Variants in DIS3L2 observed in about 807,000 individuals in gnomAD.
The protein encoded by DIS3L2 is DIS3 like 3'-5' exoribonuclease 2, also known as DIS3-like exonuclease 2.
DIS3L2 carries 34 observed loss-of-function variants against 97.5 expected under a neutral mutation model. That is an observed-to-expected ratio of 0.35 (90% CI 0.27 to 0.46). The LOEUF (loss-of-function observed/expected upper bound fraction) is 0.46, where lower values mean the gene tolerates loss of function less well. DIS3L2 is among the 20% of genes least tolerant of loss of function. The pLI is 1.00. For missense variants in DIS3L2, 1,038 were observed against 1,146.0 expected (o/e 0.91, Z 1.36); for synonymous variants, 435 against 445.2 (o/e 0.98, Z 0.29).
intron 3 of DIS3L2, among the ~76,000 whole-genome samples, chr2:232,018,645 TTG>T (rs1361058391): frequency 6.6e-6 from 1 of 152,194 alleles, no homozygotes; most frequent in African/African-American, 2.4e-5. Flanking sequence ...CTCATCTCTT[TTG>T]ACCTCTTTTT....
At chr2:232,302,223 A>T (rs752949125) in intron 14 of DIS3L2, among the ~76,000 whole-genome samples, 7 of 151,570 alleles carry the variant, frequency 4.6e-5, no homozygotes, top group Non-Finnish European at 1.0e-4. Context: ...AACATCATAC[A>T]CCGGGGCCTG....
At chr2:231,969,125 T>G (rs565304769) in intron 1 of DIS3L2, among the ~76,000 whole-genome samples, 75 of 152,306 alleles carry the variant, frequency 4.9e-4, no homozygotes, top group African/African-American at 1.5e-3. Context: ...CCCTCTTTCC[T>G]TTATAAATTA....
rs1253919475 is a variant in DIS3L2, at chr2:232,281,411, A to G, written c.1659+17971A>G. ...AAGACTCTGTCTCAAAAAGAAAAAA[A>G]GAAATATGAATGTTTTCTTGAATTC... On this transcript the variant is annotated intron_variant, in intron 13 of 20. Coordinates refer to ENST00000325385, the MANE Select transcript of DIS3L2 (RefSeq NM_152383.5). This position sits in a 1 kb window ranked among gnomAD's most constrained non-coding sequence, Gnocchi z 4.1. Among the ~76,000 whole-genome samples, 3 of 152,034 alleles carry G rather than the reference A, an allele frequency of 2.0e-5. No individual in the cohort carries two copies. The South Asian group carries it at 6.2e-4, about 31-fold the overall frequency.
At chr2:231,974,040 T>G (rs1693000918) in intron 1 of DIS3L2, among the ~76,000 whole-genome samples, 1 of 152,012 alleles carries the variant, frequency 6.6e-6, no homozygotes, top group South Asian at 2.1e-4. Flanking sequence ...CCTAATACAG[T>G]TAAAAAAATA....
At chr2:232,233,291 G>C (rs184694905) in intron 10 of DIS3L2, among the ~76,000 whole-genome samples, 1 of 152,182 alleles carries the variant, frequency 6.6e-6, no homozygotes, top group Non-Finnish European at 1.5e-5. Flanking sequence ...GGCAGATCCA[G>C]TGTCTAGTGA....
intron 14 of DIS3L2, among the ~76,000 whole-genome samples, chr2:232,314,222 CCTGTTGT>C (rs1254877470): frequency 6.6e-6 from 1 of 152,238 alleles, no homozygotes; most frequent in Non-Finnish European, 1.5e-5. Flanking sequence ...CATTCTGTCG[CCTGTTGT>C]CTGGTGCTGG....
intron 13 of DIS3L2, among the ~76,000 whole-genome samples, chr2:232,275,036 C>T (rs1370824753): frequency 6.6e-6 from 1 of 152,136 alleles, no homozygotes; most frequent in Non-Finnish European, 1.5e-5. Flanking sequence ...GTGTTCCCTG[C>T]TTCCCACTAA....
intron 1 of DIS3L2, among the ~76,000 whole-genome samples, chr2:232,012,831 C>G (rs925140976): frequency 6.6e-6 from 1 of 152,168 alleles, no homozygotes; most frequent in African/African-American, 2.4e-5. Flanking sequence ...CGTTCCTTGT[C>G]CTATGCCCTC....
intron 7 of DIS3L2, among the ~76,000 whole-genome samples, chr2:232,134,399 C>A (rs573145238): frequency 2.6e-4 from 39 of 152,228 alleles, no homozygotes; most frequent in Admixed American, 8.5e-4. Context: ...AACTCTATAC[C>A]TTGCGTTTAA....
chr2:232,323,813 G>A (rs1345561061), intron 14 of DIS3L2, among the ~76,000 whole-genome samples: 1 of 152,058 alleles, frequency 6.6e-6, no homozygotes, highest in Non-Finnish European at 1.5e-5. Context: ...GCTGTGGGTG[G>A]GGGTCCATCA....
chr2:232,320,255 T>G (rs1559210952), intron 14 of DIS3L2, among the ~76,000 whole-genome samples: 1 of 152,138 alleles, frequency 6.6e-6, no homozygotes, highest in African/African-American at 2.4e-5. Context: ...ATTTTAAAAG[T>G]CACAGAATGA....
intron 10 of DIS3L2, among the ~76,000 whole-genome samples, chr2:232,236,607 A>G (rs568095997): frequency 6.6e-6 from 1 of 152,222 alleles, no homozygotes; most frequent in East Asian, 1.9e-4. Flanking sequence ...ATCCCAGGAG[A>G]GAGACCCTCT....
At chr2:232,088,601 A>G (rs1425173082) in intron 6 of DIS3L2, among the ~76,000 whole-genome samples, 2 of 151,760 alleles carry the variant, frequency 1.3e-5, no homozygotes, top group African/African-American at 2.4e-5. Flanking sequence ...TCTGGTGGGC[A>G]TGGATCACCC....
At chr2:232,143,203 C>A (rs191427930) in intron 8 of DIS3L2, among the ~76,000 whole-genome samples, 1 of 152,040 alleles carries the variant, frequency 6.6e-6, no homozygotes, top group Non-Finnish European at 1.5e-5. Context: ...TTCCTCAGTA[C>A]GTTTTTAATA....
chr2:232,304,631 G>A (rs114304237), intron 14 of DIS3L2, among the ~76,000 whole-genome samples: 1,720 of 152,328 alleles, frequency 0.011, 30 homozygotes, highest in African/African-American at 0.038. Context: ...TCACTGCCAG[G>A]ACTGTGGAGC....
At chr2:232,260,360 A>T (rs1444299450) in intron 12 of DIS3L2, 2 of 152,276 alleles carry the variant, frequency 1.3e-5, no homozygotes, top group African/African-American at 4.8e-5. Context: ...TGCGAAGAGG[A>T]CAAGCCTGGC....
At chr2:232,310,250 G>A (rs866681843) in intron 14 of DIS3L2, among the ~76,000 whole-genome samples, 41 of 152,216 alleles carry the variant, frequency 2.7e-4, no homozygotes, top group African/African-American at 9.4e-4. Flanking sequence ...GAGAGGAGGG[G>A]CTTGGGGGAA....
chr2:232,315,458 G>C (rs996148342), intron 14 of DIS3L2, among the ~76,000 whole-genome samples: 12 of 152,196 alleles, frequency 7.9e-5, no homozygotes, highest in African/African-American at 2.9e-4. Context: ...CTGCCTGGCA[G>C]GTAACCAGAT....
At chr2:232,103,381 C>A (rs1280814142) in intron 6 of DIS3L2, among the ~76,000 whole-genome samples, 4 of 152,144 alleles carry the variant, frequency 2.6e-5, no homozygotes, top group African/African-American at 9.7e-5. Flanking sequence ...ACCAAGTTAA[C>A]CAAATGTCCT....
Sources: allele counts gnomAD v4.1 joint callset (sites outside exome capture counted in the v4.1 genomes callset), GRCh38; gene constraint gnomAD v4.1.1; non-coding constraint Gnocchi (gnomAD v3.1); transcripts MANE v1.5; gene names NCBI Gene and HGNC (gene_info 2026-07-23, HGNC 2026-07-21).